The following EPHB1 variants were observed in gnomAD, a reference collection of about 807,000 sequenced individuals.
The protein encoded by EPHB1 is EPH receptor B1, also known as ephrin type-B receptor 1.
Under a neutral mutation model 94.4 loss-of-function variants are expected in EPHB1, and 30 were observed. The observed-to-expected ratio is 0.32, with a 90% CI of 0.24 to 0.43. The LOEUF (loss-of-function observed/expected upper bound fraction) is 0.43. EPHB1 is among the 20% of genes least tolerant of loss of function. The probability of loss-of-function intolerance (pLI) is 1.00; values close to 1 mark genes in which losing one functional copy is unlikely to be tolerated. For missense variants in EPHB1, 1,055 were observed against 1,308.3 expected, an observed-to-expected ratio of 0.81 and a Z score of 2.99; for synonymous variants, 522 against 489.1, an observed-to-expected ratio of 1.07 and a Z score of -0.89.
Position 135,249,477 on chromosome 3 carries a change from C to T in EPHB1, c.2832C>T (p.Thr944=), listed in dbSNP as rs775546569. 6.2e-7 allele frequency: 1 copy of T among 1,613,688 alleles called. No homozygotes were observed. Among genetic ancestry groups the T allele is most frequent in the Non-Finnish European group, 8.5e-7 (1 of 1,179,704 alleles). ...TAGFTSLQLV[T]QMTSEDLLRI... is the part of the protein sequence containing the mutation. ...GCTTCACCTCCCTCCAGCTGGTCAC[C>T]CAGATGACATCAGAGTAAGTGATGA... Residue 944 remains threonine, a synonymous_variant, in exon 15 of 16, where the codon ACC becomes ACT. Transcript: ENST00000398015.
At position 135,241,211 on chromosome 3, in the gene EPHB1, G is replaced by C. The variant is rs2107728092; in HGVS notation, c.2410G>C (p.Ala804Pro). The stretch of plus-strand genomic sequence containing the variant: ...CATCGCCTACCGCAAGTTCACTTCA[G>C]CCAGCGACGTTTGGAGCTATGGGAT... ...EAIAYRKFTS[A>P]SDVWSYGIVM... Residue 804 changes from alanine (A) to proline (P), a missense_variant, in exon 13 of 16, where the codon GCC (alanine) becomes CCC (proline). Transcript: ENST00000398015. 6.2e-7 allele frequency: 1 copy of C among 1,614,206 alleles called. No homozygotes were observed.
At chr3:134,943,236 G>A (rs1278948633) in intron 2 of EPHB1, among the ~76,000 whole-genome samples, 1 of 152,200 alleles carries the variant, frequency 6.6e-6, no homozygotes, top group Non-Finnish European at 1.5e-5. Flanking sequence ...CAGTTCAGAT[G>A]GGATGAGGGT....
At chr3:134,958,557 C>T (rs950438803) in intron 3 of EPHB1, among the ~76,000 whole-genome samples, 3 of 152,150 alleles carry the variant, frequency 2.0e-5, no homozygotes, top group Non-Finnish European at 4.4e-5. Context: ...CCCAGATAGC[C>T]TCCTCTCAAG....
intron 10 of EPHB1, among the ~76,000 whole-genome samples, chr3:135,190,195 C>G (rs1942420740): frequency 6.6e-6 from 1 of 152,204 alleles, no homozygotes; most frequent in African/African-American, 2.4e-5. Context: ...TAATACCTAC[C>G]TCACAGGAGT....
At chr3:135,229,980 G>C (rs1163271765) in intron 12 of EPHB1, among the ~76,000 whole-genome samples, 1 of 152,216 alleles carries the variant, frequency 6.6e-6, no homozygotes, top group South Asian at 2.1e-4. Context: ...CATGGGGAAA[G>C]GCCCAGGGGT....
intron 4 of EPHB1, among the ~76,000 whole-genome samples, chr3:135,121,690 C>T (rs960844306): frequency 6.6e-6 from 1 of 152,036 alleles, no homozygotes; most frequent in African/African-American, 2.4e-5. Context: ...AAGGACCCTA[C>T]CTAAAGGCCT....
chr3:135,256,587 T>C (rs971995232), intron 15 of EPHB1, among the ~76,000 whole-genome samples: 7 of 152,334 alleles, frequency 4.6e-5, no homozygotes, highest in South Asian at 2.1e-4. Context: ...CCGAGAGATC[T>C]GCTGTTAGTC....
intron 6 of EPHB1, among the ~76,000 whole-genome samples, chr3:135,159,898 G>C (rs1045275412): frequency 6.6e-6 from 1 of 152,146 alleles, no homozygotes; most frequent in African/African-American, 2.4e-5. Context: ...CCTCTAGGCC[G>C]TGCTTTTGCA....
chr3:135,024,584 C>CG (rs1451131594), intron 3 of EPHB1, among the ~76,000 whole-genome samples: 3 of 152,138 alleles, frequency 2.0e-5, no homozygotes, highest in East Asian at 3.9e-4. Flanking sequence ...CATCCTACAC[C>CG]GGGGGGTTGT....
intron 13 of EPHB1, among the ~76,000 whole-genome samples, chr3:135,246,570 T>A (rs1285595158): frequency 6.6e-6 from 1 of 152,220 alleles, no homozygotes; most frequent in Non-Finnish European, 1.5e-5. Context: ...CTGTGATTTA[T>A]TCCCAGCCCT....
chr3:135,207,604 CA>C (rs1281401660), intron 12 of EPHB1, among the ~76,000 whole-genome samples: 1 of 152,138 alleles, frequency 6.6e-6, no homozygotes, highest in East Asian at 1.9e-4. Context: ...CAATAAATAA[CA>C]AAATTGCCTA....
At chr3:135,044,482 AACAC>A (rs1165455976) in intron 3 of EPHB1, among the ~76,000 whole-genome samples, 1 of 152,224 alleles carries the variant, frequency 6.6e-6, no homozygotes, top group East Asian at 1.9e-4. Context: ...AGAGGTTAAG[AACAC>A]CAGCTTCATG....
At chr3:135,204,680 T>C (rs1360760878) in intron 12 of EPHB1, among the ~76,000 whole-genome samples, 2 of 151,460 alleles carry the variant, frequency 1.3e-5, no homozygotes, top group Non-Finnish European at 2.9e-5. Flanking sequence ...TTTTTTTTTT[T>C]TAAGTAGAGA....
chr3:135,226,167 C>T (rs1943393492), intron 12 of EPHB1, among the ~76,000 whole-genome samples: 1 of 152,224 alleles, frequency 6.6e-6, no homozygotes, highest in Admixed American at 6.5e-5. Context: ...CAGCTTGGCC[C>T]ATGGTCCAGC....
intron 3 of EPHB1, among the ~76,000 whole-genome samples, chr3:135,054,779 T>A (rs1937298879): frequency 6.6e-6 from 1 of 152,240 alleles, no homozygotes; most frequent in South Asian, 2.1e-4. Flanking sequence ...TCAAATTTAT[T>A]ATAGACTTAG....
chr3:134,916,506 G>A (rs930896385), intron 1 of EPHB1, among the ~76,000 whole-genome samples: 1 of 152,234 alleles, frequency 6.6e-6, no homozygotes, highest in Non-Finnish European at 1.5e-5. Context: ...GCCTTGCCCC[G>A]TGCAGAGGCA....
intron 1 of EPHB1, among the ~76,000 whole-genome samples, chr3:134,800,362 T>A (rs2035913034): frequency 6.6e-6 from 1 of 152,258 alleles, no homozygotes; most frequent in Non-Finnish European, 1.5e-5. Flanking sequence ...AATCCTTAAA[T>A]GTTCTTAGTA....
At chr3:135,113,703 A>C (rs1212546709) in intron 4 of EPHB1, among the ~76,000 whole-genome samples, 2 of 152,060 alleles carry the variant, frequency 1.3e-5, no homozygotes, top group Non-Finnish European at 2.9e-5. Context: ...GTCCTTAAGG[A>C]CCAATGCTCA....
intron 10 of EPHB1, among the ~76,000 whole-genome samples, chr3:135,182,932 C>T (rs1387912948): frequency 6.6e-6 from 1 of 152,044 alleles, no homozygotes; most frequent in African/African-American, 2.4e-5. Flanking sequence ...GCTACAAATC[C>T]TGAGCCTGCC....
Sources: gnomAD v4.1 joint callset for allele counts (sites outside exome capture counted in the v4.1 genomes callset) on GRCh38, gnomAD v4.1.1 for gene constraint, MANE v1.5 for transcripts, NCBI Gene and HGNC (gene_info 2026-07-23, HGNC 2026-07-21) for gene names.